Variants in PHACTR2 observed in about 807,000 individuals in gnomAD.
PHACTR2 encodes chromosome 6 open reading frame 56.
Under a neutral mutation model 76.0 loss-of-function variants are expected in PHACTR2, and 30 were observed. That is an observed-to-expected ratio of 0.39 (90% confidence interval 0.30 to 0.54). The LOEUF (loss-of-function observed/expected upper bound fraction) is 0.54, where lower values mean the gene tolerates loss of function less well. PHACTR2 is among the 20% of genes least tolerant of loss of function. PHACTR2 has a pLI of 0.61. For missense variants in PHACTR2, 696 were observed against 781.1 expected (o/e 0.89, Z 1.30); for synonymous variants, 292 against 292.5 (o/e 1.00, Z 0.02).
intron 2 of PHACTR2, among the ~76,000 whole-genome samples, chr6:143,735,050 G>C (rs1195534907): frequency 6.6e-6 from 1 of 152,072 alleles, no homozygotes; most frequent in Admixed American, 6.6e-5. Flanking sequence ...ATATTTTCCT[G>C]ATTTATTTCT....
At chr6:143,797,424 C>A (rs1031025226) in intron 11 of PHACTR2, among the ~76,000 whole-genome samples, 1 of 152,114 alleles carries the variant, frequency 6.6e-6, no homozygotes, top group Admixed American at 6.5e-5. Flanking sequence ...ATTAGATCCC[C>A]GTTTGTCAAT....
At chr6:143,781,778 A>G (rs1239029456) in intron 9 of PHACTR2, among the ~76,000 whole-genome samples, 1 of 152,224 alleles carries the variant, frequency 6.6e-6, no homozygotes. Context: ...TTAAAACCCT[A>G]GAGTACTTTC....
At chr6:143,737,521 C>T (rs867608032) in intron 2 of PHACTR2, among the ~76,000 whole-genome samples, 2 of 151,986 alleles carry the variant, frequency 1.3e-5, no homozygotes, top group Admixed American at 6.6e-5. Flanking sequence ...CATTTCATAG[C>T]CTTTCAGTCT....
At position 143,710,182 on chromosome 6, in the gene PHACTR2, A is replaced by G. The variant is rs1178638562; in HGVS notation, c.47-1834A>G. ...TGGTGTTTCTGGGTTGCTGGCTTCCATGCTTGTTGGCCTTTCGAGGTTTCT... is the reference window on the plus strand; with the variant it reads ...TGGTGTTTCTGGGTTGCTGGCTTCCGTGCTTGTTGGCCTTTCGAGGTTTCT... On this transcript the variant is annotated intron_variant, in intron 1 of 12. Transcript: ENST00000440869. The surrounding 1 kb of genome is among the most constrained non-coding windows in gnomAD (Gnocchi z 4.9). Among the ~76,000 whole-genome samples, 1 of 152,080 alleles carries G rather than the reference A, an allele frequency of 6.6e-6. No homozygotes were observed. The highest frequency in any genetic ancestry group is 1.5e-5 in the Non-Finnish European group (1 of 68,022).
intron 12 of PHACTR2, among the ~76,000 whole-genome samples, chr6:143,813,775 CATGTTGAGAAGTTTCTTA>C (rs1205793678): frequency 6.6e-6 from 1 of 151,710 alleles, no homozygotes; most frequent in Admixed American, 6.6e-5. Context: ...AGTTTTTCTT[CATGTTGAGAAGTTTCTTA>C]ATGTTGAGAA....
At position 143,585,562 on chromosome 6, in the gene PHACTR2, C is replaced by T. The variant is rs1439247591; in HGVS notation, c.217+48355C>T. Among the ~76,000 whole-genome samples the T allele has an allele frequency of 6.6e-6, 1 of 152,108 alleles. No homozygotes were observed. The highest frequency in any genetic ancestry group is 1.5e-5 in the Non-Finnish European group (1 of 68,028). On this transcript the variant is annotated intron_variant, in intron 1 of 11. Transcript: ENST00000367584. This position sits in a 1 kb window ranked among gnomAD's most constrained non-coding sequence, Gnocchi z 5.2. ...GAGGCCATACTGTGGCCCTGTAGCT[C>T]AGGGAACATACTGGAGTCTGATGGT... is the stretch of plus-strand genomic sequence containing the variant.
chr6:143,755,261 G>T lies in PHACTR2; in HGVS notation c.454+1349G>T. ...GATTCAGTTGAAAGTATTAACGCAA[G>T]TAGTGATGTTTTTTGTTTAAGTCTT... On this transcript the variant is annotated intron_variant, in intron 4 of 12. Transcript: ENST00000440869. This position sits in a 1 kb window ranked among gnomAD's most constrained non-coding sequence, Gnocchi z 5.2. 1 of 456,056 alleles carries T rather than the reference G, an allele frequency of 2.2e-6. No individual in the cohort carries two copies. The highest frequency in any genetic ancestry group is 4.4e-6 in the Non-Finnish European group (1 of 226,796). The allele number at this position is 456,056 out of a possible 1,614,324, so 28.3% of individuals were successfully genotyped here. A position where few individuals can be genotyped will look rare whatever the true frequency, so the allele number is the denominator to read the frequency against.
rs752192795 is a variant in PHACTR2 at position 143,653,915 on chromosome 6, A to G, written c.13+45593A>G. 4.6e-5 allele frequency among the ~76,000 whole-genome samples: 7 copies of G among 152,232 alleles called. No individual in the cohort carries two copies. The highest frequency in any genetic ancestry group is 1.0e-4 in the Non-Finnish European group (7 of 68,036). On this transcript the variant is annotated intron_variant, in intron 1 of 11. Coordinates refer to the PHACTR2 transcript ENST00000305766. This position sits in a 1 kb window ranked among gnomAD's most constrained non-coding sequence, Gnocchi z 4.9. ...TGTTGTGGCTCAAAGGACACCATCTATAAAGTGAAAAGACTACCCAGAGAA... is the reference window on the plus strand; with the variant it reads ...TGTTGTGGCTCAAAGGACACCATCTGTAAAGTGAAAAGACTACCCAGAGAA...
rs1227541010 is a variant in PHACTR2 at position 143,625,903 on chromosome 6, A to T, written c.13+17581A>T. 2.0e-5 allele frequency among the ~76,000 whole-genome samples: 3 copies of T among 152,204 alleles called. No homozygotes were observed. Among genetic ancestry groups the T allele is most frequent in the Non-Finnish European group, 2.9e-5 (2 of 68,028 alleles). On this transcript the variant is annotated intron_variant, in intron 1 of 11. Transcript: ENST00000305766. This position sits in a 1 kb window ranked among gnomAD's most constrained non-coding sequence, Gnocchi z 4.3. ...GAAAGGTAAAGCAGAGTGGTGGGGC[A>T]GGGACAACTGAAGAGCTCTTTTAGG...
At chr6:143,810,226 G>A (rs1447842447) in intron 12 of PHACTR2, among the ~76,000 whole-genome samples, 1 of 152,180 alleles carries the variant, frequency 6.6e-6, no homozygotes, top group African/African-American at 2.4e-5. Context: ...GGATGTTTAT[G>A]GAGTTTTCAG....
In PHACTR2 at chr6:143,659,023, CA is replaced by C. The variant is rs34900068; in HGVS notation, c.13+50716del. Among the ~76,000 whole-genome samples, 59,201 of 133,618 alleles carry C rather than the reference CA, an allele frequency of 0.44. 11,942 individuals are homozygous for C. The highest frequency in any genetic ancestry group is 0.55 in the South Asian group (2,336 of 4,272). 87.7% of individuals were successfully genotyped at this position (133,618 alleles called of 152,430 possible). Reference sequence around the variant, plus strand: ...TGGGCAACAAAGCAAGATTCTGTCTCAAAAAAAAAAAAAAAGATAAAAAATG... The same window carrying C: ...TGGGCAACAAAGCAAGATTCTGTCTCAAAAAAAAAAAAAAGATAAAAAATG... On this transcript the variant is annotated intron_variant, in intron 1 of 11. Coordinates refer to the PHACTR2 transcript ENST00000305766. This position sits in a 1 kb window ranked among gnomAD's most constrained non-coding sequence, Gnocchi z 5.0.
Position 143,653,980 on chromosome 6 carries a change from G to A in PHACTR2, c.13+45658G>A, listed in dbSNP as rs1236068935. ...TGTAATGTTGTATCTGAAAAGGGAAGTATCTATATAGAGAACAATTACAAT... is the reference window on the plus strand; with the variant it reads ...TGTAATGTTGTATCTGAAAAGGGAAATATCTATATAGAGAACAATTACAAT... On this transcript the variant is annotated intron_variant, in intron 1 of 11. Coordinates refer to the PHACTR2 transcript ENST00000305766. The surrounding 1 kb of genome is among the most constrained non-coding windows in gnomAD (Gnocchi z 4.9). Among the ~76,000 whole-genome samples, 1 of 152,148 alleles carries A rather than the reference G, an allele frequency of 6.6e-6. No individual in the cohort carries two copies. Among genetic ancestry groups the A allele is most frequent in the African/African-American group, 2.4e-5 (1 of 41,428 alleles).
In PHACTR2 at chr6:143,589,745, C is replaced by T. The variant is rs1413794778; in HGVS notation, c.217+52538C>T. ...CCAAATACAGTCACATTTCAAGGTC[C>T]TGGAAGCCAGGGCTTCAACATATAA... On this transcript the variant is annotated intron_variant, in intron 1 of 11. Coordinates refer to the PHACTR2 transcript ENST00000367584. The surrounding 1 kb of genome is among the most constrained non-coding windows in gnomAD (Gnocchi z 4.4). 3.9e-5 allele frequency among the ~76,000 whole-genome samples: 6 copies of T among 152,268 alleles called. No homozygotes were observed. Among genetic ancestry groups the T allele is most frequent in the African/African-American group, 1.2e-4 (5 of 41,550 alleles).
chr6:143,589,081 T>C lies in PHACTR2; in HGVS notation c.217+51874T>C, dbSNP rs539592336. On this transcript the variant is annotated intron_variant, in intron 1 of 11. Transcript: ENST00000367584. The surrounding 1 kb of genome is among the most constrained non-coding windows in gnomAD (Gnocchi z 4.4). Reference sequence around the variant, plus strand: ...GATTGGGTGGCTTAAATAACAGAAATTTATTTTCTCACAGCTCTGGAGGCT... The same window carrying C: ...GATTGGGTGGCTTAAATAACAGAAACTTATTTTCTCACAGCTCTGGAGGCT... 2.6e-4 allele frequency among the ~76,000 whole-genome samples: 39 copies of C among 152,252 alleles called. No homozygotes were observed. The highest frequency in any genetic ancestry group is 7.9e-4 in the African/African-American group (33 of 41,564).
upstream of PHACTR2, among the ~76,000 whole-genome samples, chr6:143,603,667 A>C (rs1775837716): frequency 6.6e-6 from 1 of 152,178 alleles, no homozygotes; most frequent in Non-Finnish European, 1.5e-5. Flanking sequence ...CTGTTGCAAA[A>C]CTTTCTCCTA....
rs1775507102 is a variant in PHACTR2, at chr6:143,784,497, T to G, written c.1707+1217T>G. ...ACATGAAGTGTGACCTGACCCACAT[T>G]TTTGTGGGCTGGCCAGGGAGTCTTC... On this transcript the variant is annotated intron_variant, in intron 10 of 12. Transcript: ENST00000440869. This position sits in a 1 kb window ranked among gnomAD's most constrained non-coding sequence, Gnocchi z 4.5. Among the ~76,000 whole-genome samples, 1 of 152,156 alleles carries G rather than the reference T, an allele frequency of 6.6e-6. No individual in the cohort carries two copies. Among genetic ancestry groups the G allele is most frequent in the African/African-American group, 2.4e-5 (1 of 41,444 alleles).
chr6:143,615,444 T>C (rs1211135409), intron 1 of PHACTR2, among the ~76,000 whole-genome samples: 1 of 152,210 alleles, frequency 6.6e-6, no homozygotes, highest in Non-Finnish European at 1.5e-5. Flanking sequence ...AATTTGTAAA[T>C]ATCAATGTCA....
At chr6:143,552,783 A>G (rs1313627468) in intron 1 of PHACTR2, among the ~76,000 whole-genome samples, 1 of 150,588 alleles carries the variant, frequency 6.6e-6, no homozygotes, top group African/African-American at 2.4e-5. Context: ...GGGTAGTCCC[A>G]GGTACTCAGG....
rs1776216292 is a variant in PHACTR2, at chr6:143,624,344, T to G, written c.13+16022T>G. Reference sequence around the variant, plus strand: ...CTGGTCTCGAACTCCTGACCTCAGGTGATCCACCCACCTTGGCCTCCTAAA... The same window carrying G: ...CTGGTCTCGAACTCCTGACCTCAGGGGATCCACCCACCTTGGCCTCCTAAA... On this transcript the variant is annotated intron_variant, in intron 1 of 11. Transcript: ENST00000305766. The surrounding 1 kb of genome is among the most constrained non-coding windows in gnomAD (Gnocchi z 4.6). Among the ~76,000 whole-genome samples the G allele has an allele frequency of 6.6e-6, 1 of 152,126 alleles. No homozygotes were observed. The highest frequency in any genetic ancestry group is 2.1e-4 in the South Asian group (1 of 4,826).
Sources: allele counts gnomAD v4.1 joint callset (sites outside exome capture counted in the v4.1 genomes callset), GRCh38; gene constraint gnomAD v4.1.1; non-coding constraint Gnocchi (gnomAD v3.1); transcripts MANE v1.5; gene names NCBI Gene and HGNC (gene_info 2026-07-23, HGNC 2026-07-21).